The following CACNA2D3 variants were observed in gnomAD, a reference collection of about 807,000 sequenced individuals.
CACNA2D3 encodes the protein voltage-dependent calcium channel subunit alpha-2/delta-3.
Under a neutral mutation model 160.6 loss-of-function variants are expected in CACNA2D3, and 60 were observed. That is an observed-to-expected ratio of 0.37 (90% CI 0.30 to 0.46). The LOEUF (loss-of-function observed/expected upper bound fraction) is 0.46, where lower values mean the gene tolerates loss of function less well. Among genes scored for constraint, CACNA2D3 ranks in the 20% least tolerant of loss-of-function variants. CACNA2D3 has a pLI of 1.00. For missense variants in CACNA2D3, 1,205 were observed against 1,365.0 expected (o/e 0.88, Z 1.85); for synonymous variants, 558 against 492.9 (o/e 1.13, Z -1.75).
At chr3:54,453,185 G>A (rs910497449) in intron 4 of CACNA2D3, among the ~76,000 whole-genome samples, 5 of 152,016 alleles carry the variant, frequency 3.3e-5, no homozygotes, top group African/African-American at 9.7e-5. Context: ...TACAGATGAG[G>A]TCTTTCTGTG....
At chr3:55,073,664 T>G in intron 36 of CACNA2D3, 107 bp downstream of exon 36, 4 of 1,234,768 alleles carry the variant, frequency 3.2e-6, no homozygotes, top group Non-Finnish European at 4.7e-6. Flanking sequence ...TTACATCCTT[T>G]CCACTGTTGG....
At chr3:55,038,231 T>G (rs995897631) in intron 35 of CACNA2D3, among the ~76,000 whole-genome samples, 11 of 152,188 alleles carry the variant, frequency 7.2e-5, no homozygotes, top group Non-Finnish European at 1.5e-4. Flanking sequence ...TGTGTTTATT[T>G]TCATTTAAAC....
Position 54,764,362 on chromosome 3 carries a change from G to A in CACNA2D3, c.1380+11G>A, listed in dbSNP as rs1198053600. 14 of 1,613,486 alleles carry A rather than the reference G, an allele frequency of 8.7e-6. No homozygotes were observed. The highest frequency in any genetic ancestry group is 4.5e-5 in the East Asian group (2 of 44,856). On this transcript the variant is annotated intron_variant, in intron 13 of 37. Coordinates refer to ENST00000474759, the MANE Select transcript of CACNA2D3 (RefSeq NM_018398.3). The stretch of plus-strand genomic sequence containing the variant: ...TACATTGACAGCACTGTGAGTCCAC[G>A]GGGCCCTGGGAAAGAGGCTAAGCTT...
chr3:54,619,928 G>A (rs950960869), intron 9 of CACNA2D3, among the ~76,000 whole-genome samples: 9 of 152,198 alleles, frequency 5.9e-5, no homozygotes, highest in Admixed American at 4.6e-4. Flanking sequence ...GTTAGGGTTG[G>A]GTGTGTGTGT....
chr3:54,755,127 C>T (rs1355819877), intron 12 of CACNA2D3, among the ~76,000 whole-genome samples: 4 of 152,298 alleles, frequency 2.6e-5, no homozygotes, highest in Middle Eastern at 3.4e-3. Context: ...GGCACAATAT[C>T]GGAAAGGAGT....
At chr3:54,225,002 G>A (rs915960168) in intron 2 of CACNA2D3, among the ~76,000 whole-genome samples, 2 of 141,802 alleles carry the variant, frequency 1.4e-5, no homozygotes, top group African/African-American at 5.3e-5. Context: ...TGCGCATAAC[G>A]TGCAGGTTTG....
intron 4 of CACNA2D3, among the ~76,000 whole-genome samples, chr3:54,401,704 C>T (rs961418244): frequency 1.3e-5 from 2 of 152,068 alleles, no homozygotes; most frequent in South Asian, 4.1e-4. Context: ...GGCAAGCAAA[C>T]GTTGAGAGAA....
At chr3:55,021,853 T>C (rs1415073916) in intron 35 of CACNA2D3, among the ~76,000 whole-genome samples, 1 of 151,874 alleles carries the variant, frequency 6.6e-6, no homozygotes, top group Non-Finnish European at 1.5e-5. Context: ...TTTTTATTAC[T>C]GAAGCCTAAT....
chr3:54,957,112 T>C (rs1701916578), intron 27 of CACNA2D3, among the ~76,000 whole-genome samples: 1 of 152,202 alleles, frequency 6.6e-6, no homozygotes, highest in Admixed American at 6.5e-5. Flanking sequence ...TTATTACTAC[T>C]GCTATGATTA....
chr3:54,209,372 T>A (rs1410774570), intron 2 of CACNA2D3, among the ~76,000 whole-genome samples: 8 of 152,204 alleles, frequency 5.3e-5, no homozygotes, highest in Admixed American at 1.3e-4. Context: ...ACGATCTTGC[T>A]GCAGACTCAC....
chr3:54,601,217 T>C (rs1041428363), intron 9 of CACNA2D3, among the ~76,000 whole-genome samples: 6 of 152,184 alleles, frequency 3.9e-5, no homozygotes, highest in African/African-American at 1.2e-4. Flanking sequence ...TTGGTTTTCT[T>C]TGTAGAGACA....
intron 2 of CACNA2D3, among the ~76,000 whole-genome samples, chr3:54,246,515 A>G (rs766160203): frequency 1.6e-4 from 25 of 152,044 alleles, no homozygotes; most frequent in Non-Finnish European, 3.1e-4. Context: ...CAACTTGGCG[A>G]AACTCCATCT....
At chr3:54,236,070 C>T (rs962600223) in intron 2 of CACNA2D3, among the ~76,000 whole-genome samples, 1 of 152,254 alleles carries the variant, frequency 6.6e-6, no homozygotes, top group African/African-American at 2.4e-5. Context: ...TAACCTCAGT[C>T]TCCTCATGAG....
rs111330228 is a variant in CACNA2D3 at position 54,498,845 on chromosome 3, A to C, written c.382-4647A>C. On this transcript the variant is annotated intron_variant, in intron 4 of 37. Coordinates refer to ENST00000474759, the MANE Select transcript of CACNA2D3 (RefSeq NM_018398.3). ...TTTTTTCCTTGACATATGTATTATTAATAAGTATTTTGTTTAATATCCAAA... is the reference window on the plus strand; with the variant it reads ...TTTTTTCCTTGACATATGTATTATTCATAAGTATTTTGTTTAATATCCAAA... Among the ~76,000 whole-genome samples the C allele has an allele frequency of 3.6e-3, 547 of 152,158 alleles. 7 individuals are homozygous for C. Among genetic ancestry groups the C allele is most frequent in the African/African-American group, 0.012 (516 of 41,570 alleles).
intron 2 of CACNA2D3, among the ~76,000 whole-genome samples, chr3:54,286,135 T>C (rs1283713458): frequency 6.6e-6 from 1 of 152,096 alleles, no homozygotes; most frequent in African/African-American, 2.4e-5. Context: ...TACTCCGAGC[T>C]ACAGGAGGAA....
intron 11 of CACNA2D3, among the ~76,000 whole-genome samples, chr3:54,668,230 A>G (rs1198644434): frequency 1.3e-5 from 2 of 152,222 alleles, no homozygotes; most frequent in East Asian, 3.9e-4. Context: ...TTAATCAGAC[A>G]TACAGTGCCT....
chr3:54,462,719 C>G, intron 4 of CACNA2D3, among the ~76,000 whole-genome samples: 1 of 152,172 alleles, frequency 6.6e-6, no homozygotes, highest in Non-Finnish European at 1.5e-5. Flanking sequence ...TGGGTCTTGA[C>G]TCTTTATCCA....
chr3:54,771,498 C>A (rs2107113113), intron 13 of CACNA2D3, among the ~76,000 whole-genome samples: 1 of 152,286 alleles, frequency 6.6e-6, no homozygotes, highest in East Asian at 1.9e-4. Context: ...GAATTCAGTT[C>A]TTTGCCCGTA....
rs533170748 is a variant in CACNA2D3, at chr3:54,888,116, A to G, written c.2150+64A>G. The G allele has an allele frequency of 2.3e-5, 29 of 1,270,984 alleles. No individual in the cohort carries two copies. The African/African-American group carries it at 3.8e-4, about 17-fold the overall frequency. 78.7% of individuals were successfully genotyped at this position (1,270,984 alleles called of 1,614,324 possible). A position where few individuals can be genotyped will look rare whatever the true frequency, so the allele number is the denominator to read the frequency against. ...CTCACCAACACTCCGAAATATGGTT[A>G]TGGTTTAAAGAACTAAACTGTTTTA... On this transcript the variant is annotated intron_variant, in intron 24 of 37. Transcript: ENST00000474759.
Sources: allele counts gnomAD v4.1 joint callset (sites outside exome capture counted in the v4.1 genomes callset), GRCh38; gene constraint gnomAD v4.1.1; transcripts MANE v1.5; gene names NCBI Gene and HGNC (gene_info 2026-07-23, HGNC 2026-07-21).